The following MAST4 variants were observed in gnomAD, a reference collection of about 807,000 sequenced individuals.
The protein encoded by MAST4 is microtubule-associated serine/threonine-protein kinase 4.
A neutral mutation model predicts 162.7 loss-of-function variants in MAST4; 89 were observed. That is an observed-to-expected ratio of 0.55 (90% CI 0.46 to 0.65). The LOEUF is 0.65. Ranked by LOEUF, MAST4 falls within the 30% of genes least tolerant of loss-of-function variation. MAST4 has a pLI of 0.00. For synonymous variants in MAST4, 1,479 were observed against 1,361.1 expected (o/e 1.09, Z -1.91); for missense variants, 3,153 against 3,374.0 (o/e 0.93, Z 1.62).
chr5:66,945,869 T>C (rs1437917660), intron 4 of MAST4, among the ~76,000 whole-genome samples: 1 of 152,138 alleles, frequency 6.6e-6, no homozygotes, highest in African/African-American at 2.4e-5. Flanking sequence ...TGCTAAACTA[T>C]TTAACGAGCA....
chr5:66,731,973 C>G (rs1187083682), intron 1 of MAST4, among the ~76,000 whole-genome samples: 1 of 151,988 alleles, frequency 6.6e-6, no homozygotes, highest in Non-Finnish European at 1.5e-5. Context: ...AGACTGTTCA[C>G]TTTACTTTCC....
At chr5:66,715,026 T>G (rs183584580) in intron 1 of MAST4, among the ~76,000 whole-genome samples, 81 of 152,316 alleles carry the variant, frequency 5.3e-4, no homozygotes, top group African/African-American at 1.9e-3. Flanking sequence ...CCATGATGAC[T>G]TTCCAAGAGG....
At chr5:66,760,443 A>T (rs1383862282) in intron 2 of MAST4, among the ~76,000 whole-genome samples, 1 of 151,996 alleles carries the variant, frequency 6.6e-6, no homozygotes, top group Non-Finnish European at 1.5e-5. Context: ...TTATGTTTGG[A>T]TGGATTTTTG....
At chr5:67,126,225 C>T (rs943922667) in intron 14 of MAST4, among the ~76,000 whole-genome samples, 1 of 152,144 alleles carries the variant, frequency 6.6e-6, no homozygotes, top group African/African-American at 2.4e-5. Flanking sequence ...GTTTCTTTTG[C>T]TGTGCAGAAG....
chr5:66,625,364 G>A (rs4235471), intron 1 of MAST4, among the ~76,000 whole-genome samples: 116,201 of 152,108 alleles, frequency 0.76, 44,711 homozygotes, highest in African/African-American at 0.82. Flanking sequence ...CCTCATGGCA[G>A]CACTGTAAAT....
chr5:67,002,656 A>G (rs777936507), intron 4 of MAST4, among the ~76,000 whole-genome samples: 10 of 152,142 alleles, frequency 6.6e-5, no homozygotes, highest in Non-Finnish European at 1.3e-4. Context: ...GTGTGTAGAC[A>G]TTGCGTGAAA....
intron 24 of MAST4, among the ~76,000 whole-genome samples, chr5:67,150,436 G>C (rs2151071913): frequency 6.6e-6 from 1 of 152,300 alleles, no homozygotes; most frequent in Middle Eastern, 3.4e-3. Flanking sequence ...ATAAACAAAT[G>C]CTCATTTGGG....
At chr5:66,624,971 G>C (rs1231932414) in intron 1 of MAST4, among the ~76,000 whole-genome samples, 1 of 152,068 alleles carries the variant, frequency 6.6e-6, no homozygotes, top group Non-Finnish European at 1.5e-5. Context: ...AGCAACAAAA[G>C]CAAAAATGGT....
intron 4 of MAST4, among the ~76,000 whole-genome samples, chr5:67,047,652 TTTTG>T (rs1296943317): frequency 1.8e-4 from 28 of 152,292 alleles, no homozygotes; most frequent in African/African-American, 6.3e-4. Flanking sequence ...GAGCAGAGAT[TTTTG>T]TTTGTTTAGA....
intron 1 of MAST4, among the ~76,000 whole-genome samples, chr5:66,635,179 G>C (rs1156561050): frequency 6.6e-6 from 1 of 152,144 alleles, no homozygotes; most frequent in African/African-American, 2.4e-5. Flanking sequence ...GGTCCACAGG[G>C]GACTCAGGCT....
intron 4 of MAST4, chr5:67,005,151 G>A: frequency 1.4e-6 from 1 of 719,140 alleles, no homozygotes; most frequent in South Asian, 1.5e-5. Flanking sequence ...CACAGGCGGA[G>A]CTGCCTGAGC....
intron 2 of MAST4, among the ~76,000 whole-genome samples, chr5:66,780,994 T>C (rs923859822): frequency 3.9e-5 from 6 of 152,226 alleles, no homozygotes. Context: ...CTGGTTTATT[T>C]CTTTCAGCAT....
At chr5:67,072,800 C>A (rs1431110875) in intron 5 of MAST4, among the ~76,000 whole-genome samples, 1 of 152,128 alleles carries the variant, frequency 6.6e-6, no homozygotes, top group Non-Finnish European at 1.5e-5. Context: ...CCCACCCCCA[C>A]TGCCCACCCT....
chr5:66,601,544 AT>A (rs1297094618), intron 1 of MAST4, among the ~76,000 whole-genome samples: 2 of 152,194 alleles, frequency 1.3e-5, no homozygotes, highest in Admixed American at 1.3e-4. Context: ...TGAGGAAGTG[AT>A]CTGTGAGCTG....
chr5:66,859,489 A>G (rs2371679), intron 3 of MAST4, among the ~76,000 whole-genome samples: 6,500 of 152,106 alleles, frequency 0.043, 485 homozygotes, highest in African/African-American at 0.15. Flanking sequence ...TTGCCTCCCC[A>G]TTACCTTAAA....
At chr5:67,069,729 C>T (rs1005257171) in intron 5 of MAST4, among the ~76,000 whole-genome samples, 1 of 152,060 alleles carries the variant, frequency 6.6e-6, no homozygotes, top group African/African-American at 2.4e-5. Flanking sequence ...CAACACATCC[C>T]AGTTTGTGGT....
intron 1 of MAST4, among the ~76,000 whole-genome samples, chr5:66,606,951 A>T (rs543951918): frequency 1.0e-3 from 152 of 145,408 alleles, no homozygotes; most frequent in South Asian, 3.7e-3. Flanking sequence ...GTATATGAAT[A>T]TACTCATTTA....
At position 66,646,961 on chromosome 5, in the gene MAST4, G is replaced by T. The variant is rs1745879616; in HGVS notation, c.363+49943G>T. Among the ~76,000 whole-genome samples, 4 of 152,284 alleles carry T rather than the reference G, an allele frequency of 2.6e-5. No homozygotes were observed. In the South Asian group the frequency reaches 8.3e-4, roughly 32 times the overall value. On this transcript the variant is annotated intron_variant, in intron 1 of 28. Transcript: ENST00000403625. ...ACCTTTAAATAAGATGTCTTTCTTA[G>T]CTGTTTGTCTAAGTCATTCCTGTTG... is the stretch of plus-strand genomic sequence containing the variant.
intron 4 of MAST4, among the ~76,000 whole-genome samples, chr5:66,949,825 CTG>C (rs1371572311): frequency 1.3e-5 from 2 of 152,116 alleles, no homozygotes; most frequent in Non-Finnish European, 2.9e-5. Flanking sequence ...ACTGAGTAGT[CTG>C]TGTATGTGTG....
Sources: gnomAD v4.1 joint callset for allele counts (sites outside exome capture counted in the v4.1 genomes callset) on GRCh38, gnomAD v4.1.1 for gene constraint, MANE v1.5 for transcripts, NCBI Gene and HGNC (gene_info 2026-07-23, HGNC 2026-07-21) for gene names.